The following PALM2AKAP2 variants were observed in gnomAD, a reference collection of about 807,000 sequenced individuals.
PALM2AKAP2 encodes the protein PALM2 and AKAP2 fusion, also known as PALM2-AKAP2 fusion protein.
PALM2AKAP2 carries 37 observed loss-of-function variants against 71.5 expected under a neutral mutation model. The observed-to-expected ratio is 0.52, with a 90% confidence interval of 0.40 to 0.68. PALM2AKAP2 has a LOEUF of 0.68. PALM2AKAP2 is among the 30% of genes least tolerant of loss of function. The pLI is 0.00. For synonymous variants in PALM2AKAP2, 468 were observed against 478.8 expected, an observed-to-expected ratio of 0.98 and a Z score of 0.29; for missense variants, 1,224 against 1,191.8, an observed-to-expected ratio of 1.03 and a Z score of -0.40.
chr9:109,980,885 T>C (rs1564244044), intron 6 of PALM2AKAP2, among the ~76,000 whole-genome samples: 2 of 152,238 alleles, frequency 1.3e-5, no homozygotes, highest in South Asian at 2.1e-4. Flanking sequence ...CAGAACCATA[T>C]AGTGGTTAAG....
intron 1 of PALM2AKAP2, among the ~76,000 whole-genome samples, chr9:109,678,637 A>C (rs1827683092): frequency 1.3e-5 from 2 of 152,162 alleles, no homozygotes; most frequent in South Asian, 4.1e-4. Flanking sequence ...GTGATCAATG[A>C]GCCTTTGCTA....
At chr9:109,863,816 A>AGACCAT (rs1829375092) in intron 1 of PALM2AKAP2, among the ~76,000 whole-genome samples, 1 of 152,008 alleles carries the variant, frequency 6.6e-6, no homozygotes, top group South Asian at 2.1e-4. Flanking sequence ...TCGGAGGCTA[A>AGACCAT]CACCTATAAT....
chr9:110,077,324 G>A (rs958851012), intron 1 of PALM2AKAP2, among the ~76,000 whole-genome samples: 1 of 152,176 alleles, frequency 6.6e-6, no homozygotes, highest in African/African-American at 2.4e-5. Context: ...CACATTGCAA[G>A]TACACATTCA....
At chr9:110,072,297 G>C (rs1277475995) in intron 1 of PALM2AKAP2, among the ~76,000 whole-genome samples, 1 of 152,162 alleles carries the variant, frequency 6.6e-6, no homozygotes, top group Non-Finnish European at 1.5e-5. Flanking sequence ...ACTGTTGCTT[G>C]GGATGGCGGG....
chr9:109,825,300 T>A (rs1828116887), intron 1 of PALM2AKAP2, among the ~76,000 whole-genome samples: 1 of 152,212 alleles, frequency 6.6e-6, no homozygotes, highest in Non-Finnish European at 1.5e-5. Flanking sequence ...GACATAGGCA[T>A]GGGCAAGGAC....
intron 6 of PALM2AKAP2, among the ~76,000 whole-genome samples, chr9:109,977,705 C>T (rs887933349): frequency 2.6e-5 from 4 of 152,262 alleles, no homozygotes; most frequent in African/African-American, 7.2e-5. Context: ...GCAAGGGTGC[C>T]GCTGGTCTGC....
chr9:110,065,846 T>C (rs886664639), intron 1 of PALM2AKAP2, among the ~76,000 whole-genome samples: 1 of 152,236 alleles, frequency 6.6e-6, no homozygotes, highest in African/African-American at 2.4e-5. Flanking sequence ...TAGCATAATG[T>C]CCTCAATGTT....
At chr9:110,009,811 T>G (rs932410102) in intron 6 of PALM2AKAP2, among the ~76,000 whole-genome samples, 1 of 152,084 alleles carries the variant, frequency 6.6e-6, no homozygotes, top group African/African-American at 2.4e-5. Flanking sequence ...TCCCTCTCCC[T>G]GCAGATCCTC....
At chr9:109,683,029 T>C (rs1209143282) in intron 1 of PALM2AKAP2, among the ~76,000 whole-genome samples, 1 of 152,160 alleles carries the variant, frequency 6.6e-6, no homozygotes, top group Non-Finnish European at 1.5e-5. Flanking sequence ...GCTGTTCTTA[T>C]GTTAGTGAGT....
intron 1 of PALM2AKAP2, among the ~76,000 whole-genome samples, chr9:109,841,553 A>G (rs964475186): frequency 2.2e-4 from 4 of 18,110 alleles, no homozygotes; most frequent in African/African-American, 5.1e-4. Flanking sequence ...GATGGAGGGG[A>G]GGGTGGGGGG....
At chr9:109,653,653 G>A (rs1028370243) in intron 1 of PALM2AKAP2, among the ~76,000 whole-genome samples, 6 of 152,196 alleles carry the variant, frequency 3.9e-5, no homozygotes, top group African/African-American at 1.4e-4. Flanking sequence ...GTAGATAGGG[G>A]GTGTAGTTGG....
chr9:109,867,003 C>T (rs749983941), intron 1 of PALM2AKAP2: 21 of 456,212 alleles, frequency 4.6e-5, no homozygotes, highest in Non-Finnish European at 7.5e-5. Context: ...TTTGAAACAA[C>T]GTCTGCTTAT....
intron 1 of PALM2AKAP2, among the ~76,000 whole-genome samples, chr9:109,790,651 C>T (rs1351825583): frequency 1.3e-5 from 2 of 152,158 alleles, no homozygotes; most frequent in African/African-American, 4.8e-5. Context: ...TGCCTCTTGG[C>T]TGGGTGGCAT....
At chr9:109,737,758 A>G (rs1828658596) in intron 1 of PALM2AKAP2, among the ~76,000 whole-genome samples, 1 of 152,248 alleles carries the variant, frequency 6.6e-6, no homozygotes, top group South Asian at 2.1e-4. Flanking sequence ...TAAGTAGTTC[A>G]CTCATAGGGT....
chr9:109,660,031 G>A (rs1280729662), intron 1 of PALM2AKAP2, among the ~76,000 whole-genome samples: 3 of 151,826 alleles, frequency 2.0e-5, no homozygotes, highest in Admixed American at 2.0e-4. Flanking sequence ...TGGTGGTCTC[G>A]CCATGTTGCC....
intron 2 of PALM2AKAP2, among the ~76,000 whole-genome samples, chr9:109,869,082 G>T (rs1021839617): frequency 2.0e-5 from 3 of 152,132 alleles, no homozygotes; most frequent in African/African-American, 4.8e-5. Context: ...TAAATAAGAG[G>T]ACCGAATGAA....
At chr9:109,817,909 G>C (rs1259863123) in intron 1 of PALM2AKAP2, among the ~76,000 whole-genome samples, 1 of 152,210 alleles carries the variant, frequency 6.6e-6, no homozygotes, top group African/African-American at 2.4e-5. Flanking sequence ...CTGGCAACCA[G>C]TGAGCCTTTT....
intron 6 of PALM2AKAP2, among the ~76,000 whole-genome samples, chr9:109,933,142 G>A (rs1420683083): frequency 6.6e-6 from 1 of 152,214 alleles, no homozygotes; most frequent in Non-Finnish European, 1.5e-5. Flanking sequence ...GACTGTAAGT[G>A]GTATCTGGTC....
chr9:109,681,010 G>A (rs1056462065), intron 1 of PALM2AKAP2, among the ~76,000 whole-genome samples: 1 of 152,176 alleles, frequency 6.6e-6, no homozygotes, highest in African/African-American at 2.4e-5. Context: ...AAAATGGAAA[G>A]TCTTATTTTT....
Sources: gnomAD v4.1 joint callset for allele counts (sites outside exome capture counted in the v4.1 genomes callset) on GRCh38, gnomAD v4.1.1 for gene constraint, MANE v1.5 for transcripts, NCBI Gene and HGNC (gene_info 2026-07-23, HGNC 2026-07-21) for gene names.